Variants in PHLPP2 observed in about 807,000 individuals in gnomAD.
PHLPP2 encodes the protein PH domain leucine-rich repeat-containing protein phosphatase 2.
Under a neutral mutation model 124.9 loss-of-function variants are expected in PHLPP2, and 66 were observed. The ratio of observed to expected loss-of-function variants is 0.53; its 90% CI spans 0.43 to 0.65. The LOEUF is 0.65. Ranked by LOEUF, PHLPP2 falls within the 30% of genes least tolerant of loss-of-function variation. PHLPP2 has a pLI of 0.00. For synonymous variants in PHLPP2, 681 were observed against 624.7 expected (o/e 1.09, Z -1.34); for missense variants, 1,685 against 1,600.4 (o/e 1.05, Z -0.90).
In PHLPP2 at chr16:71,645,105, T is replaced by C. The variant is rs2044644772; in HGVS notation, c.*3785A>G. 2.9e-5 allele frequency: 6 copies of C among 209,162 alleles called. No individual in the cohort carries two copies. Among genetic ancestry groups the C allele is most frequent in the Admixed American group, 6.0e-5 (1 of 16,728 alleles). The allele number at this position is 209,162 out of a possible 1,614,324, so 13.0% of individuals were successfully genotyped here. ...GAGTCTTAAGACTACAATACGACAATGATTGCACAAAACCGTAAGATATGA... is the reference window on the plus strand; with the variant it reads ...GAGTCTTAAGACTACAATACGACAACGATTGCACAAAACCGTAAGATATGA... On this transcript the variant is annotated 3_prime_UTR_variant, in exon 19 of 19. Coordinates refer to ENST00000568954, the MANE Select transcript of PHLPP2 (RefSeq NM_015020.3).
chr16:71,712,749 C>A (rs2045332127), intron 2 of PHLPP2, among the ~76,000 whole-genome samples: 1 of 152,190 alleles, frequency 6.6e-6, no homozygotes, highest in African/African-American at 2.4e-5. Flanking sequence ...CATAGTAGAT[C>A]TCAGTTTAGA....
chr16:71,671,554 A>G (rs1037753635), intron 10 of PHLPP2, among the ~76,000 whole-genome samples: 2 of 152,114 alleles, frequency 1.3e-5, no homozygotes, highest in African/African-American at 4.8e-5. Flanking sequence ...GAATATAATT[A>G]ATGTCCCTTC....
Position 71,649,725 on chromosome 16 carries a change from C to T in PHLPP2, c.3137G>A (p.Gly1046Glu). The T allele has an allele frequency of 6.2e-7, 1 of 1,614,126 alleles. No homozygotes were observed. The highest frequency in any genetic ancestry group is 1.1e-5 in the South Asian group (1 of 91,080). Residue 1046 changes from glycine (G) to glutamate (E), a missense_variant, in exon 19 of 19, where the codon GGG becomes GAG. By Grantham distance (98) the Gly-to-Glu change is moderately conservative (BLOSUM62 -2). Transcript: ENST00000568954. ...TCCCACAGGACCTGGGAGGGTGAGC[C>T]CATTCATTTCACAAGTGCAGCCTTC... The part of the protein sequence containing the change: ...GEEGCTCEMN[G>E]LTLPGPVGFA...
chr16:71,709,124 T>C (rs990762045), intron 2 of PHLPP2, among the ~76,000 whole-genome samples: 3 of 152,190 alleles, frequency 2.0e-5, no homozygotes, highest in Admixed American at 6.5e-5. Flanking sequence ...TCCAATTTTG[T>C]AACATATAAT....
At chr16:71,718,579 CAA>C (rs71153657) in intron 1 of PHLPP2, among the ~76,000 whole-genome samples, 3 of 114,192 alleles carry the variant, frequency 2.6e-5, no homozygotes, top group Non-Finnish European at 1.8e-5. Flanking sequence ...GACTCTATCT[CAA>C]AAAAAAAAAA....
At chr16:71,653,046 A>G (rs746441973) in intron 17 of PHLPP2, 25 bp from the exon 18 acceptor site, 1 of 1,504,032 alleles carries the variant, frequency 6.6e-7, no homozygotes, top group Non-Finnish European at 9.2e-7. Flanking sequence ...AAGGAAAAGA[A>G]GACGTGGTGG....
chr16:71,703,103 T>C (rs2045247256), intron 2 of PHLPP2, among the ~76,000 whole-genome samples: 2 of 152,222 alleles, frequency 1.3e-5, no homozygotes, highest in African/African-American at 2.4e-5. Flanking sequence ...TGTTGCTACA[T>C]TAAGACATGA....
chr16:71,656,495 T>C (rs1272838774), intron 16 of PHLPP2, 76 bp downstream of exon 16: 1 of 790,072 alleles, frequency 1.3e-6, no homozygotes, highest in Non-Finnish European at 2.2e-6. Context: ...GCCTAGCTAT[T>C]ATGAGCATCA....
chr16:71,659,215 GA>G (rs1392191711), intron 13 of PHLPP2, among the ~76,000 whole-genome samples: 1 of 149,804 alleles, frequency 6.7e-6, no homozygotes, highest in East Asian at 2.0e-4. Flanking sequence ...TGTAAAAAAT[GA>G]AAAATGAGGT....
chr16:71,711,403 G>C (rs1488519760), intron 2 of PHLPP2, among the ~76,000 whole-genome samples: 10 of 152,006 alleles, frequency 6.6e-5, no homozygotes, highest in Non-Finnish European at 1.5e-4. Context: ...AATATGATGT[G>C]AGCCCAAATA....
At chr16:71,701,248 C>T (rs893962940) in intron 3 of PHLPP2, among the ~76,000 whole-genome samples, 1 of 152,042 alleles carries the variant, frequency 6.6e-6, no homozygotes, top group African/African-American at 2.4e-5. Context: ...TGTTACAGAG[C>T]CAACAGATAA....
intron 3 of PHLPP2, among the ~76,000 whole-genome samples, 164 bp downstream of exon 3, chr16:71,702,433 CT>C (rs2045241101): frequency 6.6e-6 from 1 of 152,196 alleles, no homozygotes; most frequent in African/African-American, 2.4e-5. Context: ...TCCCTTACCC[CT>C]GACCTCTTGG....
chr16:71,709,568 G>T (rs915701492), intron 2 of PHLPP2, among the ~76,000 whole-genome samples: 2 of 152,212 alleles, frequency 1.3e-5, no homozygotes, highest in African/African-American at 4.8e-5. Flanking sequence ...AGGAGGCAAT[G>T]ATTACACTAA....
intron 2 of PHLPP2, among the ~76,000 whole-genome samples, chr16:71,703,604 C>T (rs1051421268): frequency 1.3e-5 from 2 of 152,092 alleles, no homozygotes; most frequent in Non-Finnish European, 1.5e-5. Flanking sequence ...AGAAACCAAA[C>T]AGTTATAAAT....
chr16:71,654,008 A>G (rs1371081302), intron 17 of PHLPP2, among the ~76,000 whole-genome samples: 1 of 152,014 alleles, frequency 6.6e-6, no homozygotes, highest in Non-Finnish European at 1.5e-5. Context: ...ATCCTGGCTA[A>G]CACGGTGAAA....
intron 1 of PHLPP2, 182 bp from the exon 2 acceptor site, chr16:71,714,983 CT>C: frequency 1.4e-6 from 1 of 690,032 alleles, no homozygotes; most frequent in Non-Finnish European, 2.3e-6. Flanking sequence ...ACTTAATTTT[CT>C]TTACTGCTGT....
At chr16:71,691,063 T>G (rs1225326122) in intron 3 of PHLPP2, among the ~76,000 whole-genome samples, 2 of 152,234 alleles carry the variant, frequency 1.3e-5, no homozygotes, top group Non-Finnish European at 1.5e-5. Flanking sequence ...TTCTGTCACT[T>G]TGTTTACTTG....
At chr16:71,721,014 TAGAG>T (rs1412980478) in intron 1 of PHLPP2, among the ~76,000 whole-genome samples, 1 of 151,592 alleles carries the variant, frequency 6.6e-6, no homozygotes, top group East Asian at 1.9e-4. Flanking sequence ...TGGGATGAGA[TAGAG>T]AAAGAATATG....
intron 1 of PHLPP2, chr16:71,715,012 A>G: frequency 1.7e-6 from 1 of 590,844 alleles, no homozygotes; most frequent in Non-Finnish European, 2.9e-6. Context: ...TCCATCCATC[A>G]TCTTCGTTGA....
Sources: gnomAD v4.1 joint callset for allele counts (sites outside exome capture counted in the v4.1 genomes callset) on GRCh38, gnomAD v4.1.1 for gene constraint, MANE v1.5 for transcripts, NCBI Gene and HGNC (gene_info 2026-07-23, HGNC 2026-07-21) for gene names.